The following RFX3 variants were observed in gnomAD, a reference collection of about 807,000 sequenced individuals.
The protein encoded by RFX3 is regulatory factor X3, also known as transcription factor RFX3.
Under a neutral mutation model 98.6 loss-of-function variants are expected in RFX3, and 14 were observed. The ratio of observed to expected loss-of-function variants is 0.14; its 90% CI spans 0.09 to 0.22. The LOEUF is 0.22. Among genes scored for constraint, RFX3 ranks in the 10% least tolerant of loss-of-function variants. RFX3 has a pLI of 1.00. For missense variants in RFX3, 639 were observed against 926.9 expected, an observed-to-expected ratio of 0.69 and a Z score of 4.03; for synonymous variants, 383 against 328.4, an observed-to-expected ratio of 1.17 and a Z score of -1.80.
At chr9:3,522,013 C>T (rs1436575771) in intron 1 of RFX3, among the ~76,000 whole-genome samples, 9 of 151,068 alleles carry the variant, frequency 6.0e-5, no homozygotes, top group Admixed American at 4.0e-4. Context: ...TGTTAAATTA[C>T]GAATCTTGAG....
chr9:3,226,897 T>C (rs1817841762), intron 16 of RFX3, among the ~76,000 whole-genome samples: 1 of 152,218 alleles, frequency 6.6e-6, no homozygotes, highest in Non-Finnish European at 1.5e-5. Context: ...TCTAATTCTC[T>C]GTATTATTTG....
At chr9:3,463,852 C>A (rs1435068612) in intron 1 of RFX3, among the ~76,000 whole-genome samples, 1 of 151,940 alleles carries the variant, frequency 6.6e-6, no homozygotes, top group Non-Finnish European at 1.5e-5. Flanking sequence ...TACACGCCTA[C>A]GGTCCCAGCT....
intron 2 of RFX3, among the ~76,000 whole-genome samples, chr9:3,379,101 A>G (rs545261103): frequency 6.6e-6 from 1 of 152,330 alleles, no homozygotes; most frequent in East Asian, 1.9e-4. Flanking sequence ...TATGTGCCAG[A>G]CATAGTGCAT....
At chr9:3,306,981 G>A (rs1829398937) in intron 4 of RFX3, among the ~76,000 whole-genome samples, 1 of 152,002 alleles carries the variant, frequency 6.6e-6, no homozygotes, top group African/African-American at 2.4e-5. Flanking sequence ...CTGCATAATG[G>A]GGGCGGGTCT....
At chr9:3,300,767 GAA>G (rs1828554654) in intron 5 of RFX3, among the ~76,000 whole-genome samples, 1 of 151,846 alleles carries the variant, frequency 6.6e-6, no homozygotes, top group Non-Finnish European at 1.5e-5. Flanking sequence ...CATATATTCA[GAA>G]ATCATCTTAA....
At chr9:3,285,428 T>C (rs1826461505) in intron 7 of RFX3, among the ~76,000 whole-genome samples, 1 of 151,768 alleles carries the variant, frequency 6.6e-6, no homozygotes, top group Admixed American at 6.6e-5. Context: ...TTTCAACAAA[T>C]ATTCTTAAAT....
At chr9:3,296,385 T>C (rs1182111765) in intron 5 of RFX3, among the ~76,000 whole-genome samples, 1 of 152,036 alleles carries the variant, frequency 6.6e-6, no homozygotes, top group East Asian at 1.9e-4. Flanking sequence ...TTTTACTCGA[T>C]TGGCTATGCA....
intron 1 of RFX3, among the ~76,000 whole-genome samples, chr9:3,424,445 T>C (rs1843791896): frequency 7.8e-6 from 1 of 128,520 alleles, no homozygotes; most frequent in African/African-American, 3.0e-5. Context: ...CACTGCAAGC[T>C]CCGCCTCCCG....
chr9:3,389,845 C>T (rs1840111042), intron 2 of RFX3, among the ~76,000 whole-genome samples: 1 of 152,076 alleles, frequency 6.6e-6, no homozygotes, highest in African/African-American at 2.4e-5. Context: ...AGCAAAAGTA[C>T]TTCTGTTCCC....
At chr9:3,463,618 T>C (rs184713788) in intron 1 of RFX3, among the ~76,000 whole-genome samples, 4 of 152,000 alleles carry the variant, frequency 2.6e-5, no homozygotes, top group Non-Finnish European at 5.9e-5. Context: ...AGGACTTCTA[T>C]CCAGAATATG....
At chr9:3,314,654 C>T (rs1254729548) in intron 4 of RFX3, among the ~76,000 whole-genome samples, 1 of 151,592 alleles carries the variant, frequency 6.6e-6, no homozygotes, top group African/African-American at 2.4e-5. Flanking sequence ...CACACATAGG[C>T]TCAAAATAAA....
At chr9:3,512,268 T>C (rs1348142887) in intron 1 of RFX3, among the ~76,000 whole-genome samples, 1 of 152,050 alleles carries the variant, frequency 6.6e-6, no homozygotes, top group Non-Finnish European at 1.5e-5. Context: ...TATTTCAATA[T>C]GCAAATATTT....
chr9:3,396,383 TG>T (rs1840877886), intron 1 of RFX3, among the ~76,000 whole-genome samples: 2 of 152,246 alleles, frequency 1.3e-5, no homozygotes, highest in Non-Finnish European at 2.9e-5. Context: ...TCATTTTTTA[TG>T]GCTGCATAGT....
intron 2 of RFX3, among the ~76,000 whole-genome samples, chr9:3,352,571 C>T (rs1380675116): frequency 6.6e-6 from 1 of 152,046 alleles, no homozygotes; most frequent in African/African-American, 2.4e-5. Flanking sequence ...GCACCTTACA[C>T]ATCATATTAA....
chr9:3,271,479 TCCTTC>T (rs375226862), intron 9 of RFX3, among the ~76,000 whole-genome samples: 19 of 147,642 alleles, frequency 1.3e-4, no homozygotes, highest in African/African-American at 2.7e-4. Context: ...TTTCTTTCCT[TCCTTC>T]CCTTCCCTTC....
intron 4 of RFX3, among the ~76,000 whole-genome samples, chr9:3,311,633 C>G (rs1442743115): frequency 6.6e-6 from 1 of 152,038 alleles, no homozygotes; most frequent in East Asian, 1.9e-4. Flanking sequence ...ACCTGTAATC[C>G]CAGCACTTTG....
chr9:3,403,414 A>C (rs1295556404), intron 1 of RFX3, among the ~76,000 whole-genome samples: 4 of 152,128 alleles, frequency 2.6e-5, no homozygotes, highest in Admixed American at 6.6e-5. Context: ...AAATCTTTGT[A>C]CTAAATTGAT....
In RFX3 at chr9:3,247,560, G is replaced by C. The variant is rs370370943; in HGVS notation, c.1968+472C>G. 5.9e-4 allele frequency: 678 copies of C among 1,155,468 alleles called. 11 individuals carry two copies. The South Asian group carries it at 0.012, about 20-fold the overall frequency. 71.6% of individuals were successfully genotyped at this position (1,155,468 alleles called of 1,614,324 possible). A position where few individuals can be genotyped will look rare whatever the true frequency, so the allele number is the denominator to read the frequency against. On this transcript the variant is annotated intron_variant, in intron 15 of 16. Transcript: ENST00000617270. ...AACATAGAACTGTGCCTCGCACATA[G>C]TAAGTGTCCAAAAAATGTTAGTTAT...
chr9:3,473,890 CA>C (rs1225773718), intron 1 of RFX3, among the ~76,000 whole-genome samples: 5 of 151,798 alleles, frequency 3.3e-5, no homozygotes, highest in African/African-American at 1.2e-4. Flanking sequence ...TTGAAATAGG[CA>C]AAGATAAGAG....
Sources: allele counts gnomAD v4.1 joint callset (sites outside exome capture counted in the v4.1 genomes callset), GRCh38; gene constraint gnomAD v4.1.1; transcripts MANE v1.5; gene names NCBI Gene and HGNC (gene_info 2026-07-23, HGNC 2026-07-21).